Variants in ACSL4 observed in about 807,000 individuals in gnomAD.
The protein encoded by ACSL4 is long-chain-fatty-acid--CoA ligase 4.
A neutral mutation model predicts 49.1 loss-of-function variants in ACSL4; 9 were observed. That is an observed-to-expected ratio of 0.18 (90% CI 0.11 to 0.32). The LOEUF (loss-of-function observed/expected upper bound fraction) is 0.32. Among genes scored for constraint, ACSL4 ranks in the 10% least tolerant of loss-of-function variants. The pLI, the probability that ACSL4 is intolerant of heterozygous loss-of-function variation, is 1.00. For missense variants in ACSL4, 333 were observed against 493.7 expected (o/e 0.67, Z 3.08); for synonymous variants, 191 against 170.3 (o/e 1.12, Z -0.95).
At chrX:109,670,925 T>C (rs1255000213) in intron 9 of ACSL4, among the ~76,000 whole-genome samples, 1 of 112,619 alleles carries the variant, frequency 8.9e-6, no homozygotes, top group Non-Finnish European at 1.9e-5. Context: ...ACTCACTCAG[T>C]GCTCAATGTT....
At chrX:109,666,015 G>C (rs1922604980) in intron 11 of ACSL4, among the ~76,000 whole-genome samples, 1 of 112,408 alleles carries the variant, frequency 8.9e-6, no homozygotes, top group African/African-American at 3.2e-5. Context: ...ACATCATCAT[G>C]ATGATGATAT....
intron 6 of ACSL4, among the ~76,000 whole-genome samples, chrX:109,680,283 G>C (rs181449643): frequency 9.0e-4 from 101 of 111,806 alleles, no homozygotes; most frequent in African/African-American, 3.0e-3. Context: ...ACACATGGCA[G>C]ATGTGTATAA....
chrX:109,704,283 C>A (rs759920952), intron 1 of ACSL4, among the ~76,000 whole-genome samples: 110 of 111,480 alleles, frequency 9.9e-4, no homozygotes, highest in Middle Eastern at 9.3e-3. Context: ...TTTTATTTTT[C>A]TTACTTAAAT....
In ACSL4 at chrX:109,653,844, T is replaced by C. The variant is rs1265334959; in HGVS notation, c.1855+5510A>G. 5.5e-5 allele frequency among the ~76,000 whole-genome samples: 6 copies of C among 108,680 alleles called. No homozygotes were observed. The South Asian group carries it at 2.0e-3, about 36-fold the overall frequency. 94.4% of individuals were successfully genotyped at this position (108,680 alleles called of 115,157 possible). ...GGGGGAGGGATAGCATTAGGAGATA[T>C]ACCTAATGCTAAATGACGAGTTAAT... On this transcript the variant is annotated intron_variant, in intron 15 of 15. Transcript: ENST00000672401.
rs35736807 is a variant in ACSL4, at chrX:109,686,776, G to GCACACACA, written c.-12-3409_-12-3402dup. Among the ~76,000 whole-genome samples, 174 of 98,917 alleles carry GCACACACA rather than the reference G, an allele frequency of 1.8e-3. 3 individuals carry two copies. Among genetic ancestry groups the GCACACACA allele is most frequent in the African/African-American group, 4.5e-3 (122 of 27,310 alleles). 85.9% of individuals were successfully genotyped at this position (98,917 alleles called of 115,157 possible). A position where few individuals can be genotyped will look rare whatever the true frequency, so the allele number is the denominator to read the frequency against. On this transcript the variant is annotated intron_variant, in intron 2 of 15. Transcript: ENST00000672401. ...TTAGTACAGACACACACACACGCAT[G>GCACACACA]CACACACACACACACACACACACAC...
intron 11 of ACSL4, among the ~76,000 whole-genome samples, chrX:109,667,057 A>C (rs929205925): frequency 8.9e-6 from 1 of 112,959 alleles, no homozygotes; most frequent in African/African-American, 3.2e-5. Context: ...AGATGACTTC[A>C]AAGCTGATAC....
At chrX:109,711,038 T>G (rs1926712126) in intron 1 of ACSL4, among the ~76,000 whole-genome samples, 1 of 112,795 alleles carries the variant, frequency 8.9e-6, no homozygotes, top group Non-Finnish European at 1.9e-5. Flanking sequence ...GAAAAGGATA[T>G]TGCCAAGTTA....
chrX:109,668,252 C>T lies in ACSL4; in HGVS notation c.1164G>A (p.Lys388=), dbSNP rs752013747. ...LCNLLLFKKV[K]ALLGGNVRMM... Reference sequence around the variant, plus strand: ...TGCGGACATTCCCTCCCAGCAGGGCCTTGACCTTTTTAAACAGTAACCTTA... The same window carrying T: ...TGCGGACATTCCCTCCCAGCAGGGCTTTGACCTTTTTAAACAGTAACCTTA... The change falls in exon 11 of 16, where the codon AAG becomes AAA. Residue 388 remains lysine (K), a synonymous_variant. Coordinates refer to ENST00000672401, the MANE Select transcript of ACSL4 (RefSeq NM_001318510.2). The T allele has an allele frequency of 3.3e-6, 4 of 1,202,781 alleles. No individual in the cohort carries two copies. The highest frequency in any genetic ancestry group is 3.0e-5 in the East Asian group (1 of 33,580).
At chrX:109,689,149 CCT>C (rs1220784578) in intron 2 of ACSL4, among the ~76,000 whole-genome samples, 2 of 111,334 alleles carry the variant, frequency 1.8e-5, no homozygotes, top group Admixed American at 9.6e-5. Context: ...CTTTTACCCC[CCT>C]CTCTTTCTCA....
intron 13 of ACSL4, 63 bp from the exon 14 acceptor site, chrX:109,661,708 CT>C: frequency 1.4e-6 from 1 of 707,670 alleles, no homozygotes; most frequent in Non-Finnish European, 2.3e-6. Context: ...TGACTGTCTT[CT>C]TTGAATATCA....
intron 1 of ACSL4, among the ~76,000 whole-genome samples, chrX:109,703,445 G>A (rs749315200): frequency 3.5e-3 from 385 of 111,346 alleles, no homozygotes; most frequent in Non-Finnish European, 5.5e-3. Flanking sequence ...ACTCTATTGT[G>A]AGTCTAAAAT....
At chrX:109,671,335 G>A (rs1198099980) in intron 9 of ACSL4, among the ~76,000 whole-genome samples, 1 of 111,503 alleles carries the variant, frequency 9.0e-6, no homozygotes, top group African/African-American at 3.3e-5. Flanking sequence ...TGGGAGATGA[G>A]GAGCGTCTCT....
At chrX:109,644,314 A>G (rs772005334) in intron 15 of ACSL4, 128 bp from the exon 16 acceptor site, 230 of 602,133 alleles carry the variant, frequency 3.8e-4, no homozygotes, top group Non-Finnish European at 5.2e-4. Flanking sequence ...ATTTACCTAG[A>G]TGATTCGGGT....
At chrX:109,688,860 C>T (rs763307201) in intron 2 of ACSL4, among the ~76,000 whole-genome samples, 1 of 108,263 alleles carries the variant, frequency 9.2e-6, no homozygotes, top group South Asian at 4.2e-4. Flanking sequence ...ACATTCCTGG[C>T]CTCTAAATGG....
In ACSL4 at chrX:109,643,749, A is replaced by G. The variant is rs770153222; in HGVS notation, c.*280T>C. On this transcript the variant is annotated 3_prime_UTR_variant, in exon 16 of 16. Transcript: ENST00000672401. ...ACATTAAATATTTTTCTTTACAAAA[A>G]CAAGTATATCTTAGGCTAATTTTTA... is the stretch of plus-strand genomic sequence containing the variant. 2.8e-5 allele frequency: 7 copies of G among 249,898 alleles called. No homozygotes were observed. The highest frequency in any genetic ancestry group is 5.0e-5 in the Non-Finnish European group (7 of 140,321). 20.6% of individuals were successfully genotyped at this position (249,898 alleles called of 1,213,427 possible).
chrX:109,677,787 AT>A (rs967528928), intron 8 of ACSL4, among the ~76,000 whole-genome samples, 200 bp downstream of exon 8: 4 of 112,054 alleles, frequency 3.6e-5, no homozygotes, highest in Non-Finnish European at 5.6e-5. Context: ...GAAAAAAAAA[AT>A]AATTTTAAAA....
In ACSL4 at chrX:109,648,269, T is replaced by A. The variant is rs1934828619; in HGVS notation, c.1856-4083A>T. On this transcript the variant is annotated intron_variant, in intron 15 of 15. Transcript: ENST00000672401. ...TCCTTGATGAACATTGATGCAAAAA[T>A]CCTCAATAAAATACTGGCAAACCGA... Among the ~76,000 whole-genome samples, 3 of 110,985 alleles carry A rather than the reference T, an allele frequency of 2.7e-5. No homozygotes were observed. The South Asian group carries it at 1.2e-3, about 43-fold the overall frequency.
At chrX:109,680,809 A>AT (rs1442259108) in intron 6 of ACSL4, among the ~76,000 whole-genome samples, 189 bp downstream of exon 6, 1 of 111,890 alleles carries the variant, frequency 8.9e-6, no homozygotes, top group Non-Finnish European at 1.9e-5. Context: ...TTACTAACTT[A>AT]TTTTTTTTGA....
chrX:109,665,355 G>A (rs1922544053), intron 12 of ACSL4, 65 bp downstream of exon 12: 1 of 1,004,361 alleles, frequency 1.0e-6, no homozygotes, highest in South Asian at 1.9e-5. Context: ...AGAAATGAAA[G>A]TCATAAAGCT....
Sources: gnomAD v4.1 joint callset for allele counts (sites outside exome capture counted in the v4.1 genomes callset) on GRCh38, gnomAD v4.1.1 for gene constraint, MANE v1.5 for transcripts, NCBI Gene and HGNC (gene_info 2026-07-23, HGNC 2026-07-21) for gene names.